Variants in DENND5B observed in about 807,000 individuals in gnomAD.
DENND5B encodes DENN domain containing 5B.
DENND5B carries 34 observed loss-of-function variants against 140.6 expected under a neutral mutation model. The observed-to-expected ratio is 0.24, with a 90% CI of 0.18 to 0.32. The LOEUF (loss-of-function observed/expected upper bound fraction) is 0.32. Ranked by LOEUF, DENND5B falls within the 10% of genes least tolerant of loss-of-function variation. The probability of loss-of-function intolerance (pLI) is 1.00; values close to 1 mark genes in which losing one functional copy is unlikely to be tolerated. For missense variants in DENND5B, 1,142 were observed against 1,560.2 expected, an observed-to-expected ratio of 0.73 and a Z score of 4.52; for synonymous variants, 551 against 562.1, an observed-to-expected ratio of 0.98 and a Z score of 0.28.
chr12:31,498,235 G>A (rs1278208886), intron 1 of DENND5B, among the ~76,000 whole-genome samples: 2 of 152,046 alleles, frequency 1.3e-5, no homozygotes, highest in Non-Finnish European at 2.9e-5. Flanking sequence ...GAAGAAACAA[G>A]ACATAACCTA....
At chr12:31,394,820 A>G (rs1219915321) in intron 17 of DENND5B, among the ~76,000 whole-genome samples, 3 of 151,886 alleles carry the variant, frequency 2.0e-5, no homozygotes, top group East Asian at 3.9e-4. Flanking sequence ...TCACCATGTT[A>G]GCCAGGATGG....
intron 2 of DENND5B, among the ~76,000 whole-genome samples, chr12:31,489,180 T>C (rs560716652): frequency 5.9e-5 from 9 of 152,314 alleles, no homozygotes; most frequent in South Asian, 2.1e-4. Context: ...CTTAGAAGTA[T>C]AGTAGGCTAT....
chr12:31,526,486 C>T (rs1452503987), intron 1 of DENND5B, among the ~76,000 whole-genome samples: 1 of 152,178 alleles, frequency 6.6e-6, no homozygotes, highest in African/African-American at 2.4e-5. Flanking sequence ...AGTTTTACAA[C>T]CTTTCCTTCC....
At chr12:31,403,897 CAAAAAA>C (rs751708684) in intron 14 of DENND5B, among the ~76,000 whole-genome samples, 4 of 36,398 alleles carry the variant, frequency 1.1e-4, no homozygotes, top group African/African-American at 5.6e-4. Context: ...ACTCCATCTC[CAAAAAA>C]AAAAAAAAAA....
intron 1 of DENND5B, among the ~76,000 whole-genome samples, chr12:31,533,887 G>GT (rs571204281): frequency 0.014 from 1,933 of 142,142 alleles, 15 homozygotes; most frequent in Non-Finnish European, 0.02. Context: ...GCTTTTTAGT[G>GT]TTTTTTTTTT....
chr12:31,417,871 T>C (rs1251035475), intron 11 of DENND5B, among the ~76,000 whole-genome samples: 1 of 152,224 alleles, frequency 6.6e-6, no homozygotes, highest in African/African-American at 2.4e-5. Context: ...TTGCTGTATA[T>C]TAAACCTGCC....
At chr12:31,438,654 AG>A (rs1435985195) in intron 7 of DENND5B, among the ~76,000 whole-genome samples, 1 of 152,198 alleles carries the variant, frequency 6.6e-6, no homozygotes, top group East Asian at 1.9e-4. Context: ...AGATCTTTAA[AG>A]GGGAAGAATA....
At chr12:31,580,854 C>T (rs1487260737) in intron 1 of DENND5B, among the ~76,000 whole-genome samples, 1 of 152,084 alleles carries the variant, frequency 6.6e-6, no homozygotes, top group Non-Finnish European at 1.5e-5. Context: ...CCCTGTAATC[C>T]CAGCACTTTG....
intron 1 of DENND5B, among the ~76,000 whole-genome samples, chr12:31,501,842 A>C (rs966779513): frequency 2.0e-5 from 3 of 152,090 alleles, no homozygotes; most frequent in East Asian, 1.9e-4. Flanking sequence ...ATAATGTATC[A>C]ATATTTATTC....
chr12:31,550,394 T>G (rs527485828), intron 1 of DENND5B, among the ~76,000 whole-genome samples: 71 of 152,112 alleles, frequency 4.7e-4, no homozygotes, highest in Non-Finnish European at 9.3e-4. Flanking sequence ...GGACATGAAC[T>G]CATCATTTTT....
intron 1 of DENND5B, among the ~76,000 whole-genome samples, chr12:31,526,112 T>A (rs867280890): frequency 2.2e-4 from 33 of 152,204 alleles, no homozygotes; most frequent in African/African-American, 8.0e-4. Flanking sequence ...GTCAAACCAG[T>A]TGTTATTACA....
At chr12:31,566,506 T>A (rs1175852115) in intron 1 of DENND5B, among the ~76,000 whole-genome samples, 1 of 151,896 alleles carries the variant, frequency 6.6e-6, no homozygotes, top group Non-Finnish European at 1.5e-5. Flanking sequence ...CAGTAGCTCA[T>A]GCCTATAATC....
Position 31,487,854 on chromosome 12 carries a change from A to G in DENND5B, c.238-7599T>C, listed in dbSNP as rs112228950. 1.6e-3 allele frequency among the ~76,000 whole-genome samples: 239 copies of G among 152,370 alleles called. 1 individual carries two copies. Among genetic ancestry groups the G allele is most frequent in the African/African-American group, 5.2e-3 (216 of 41,584 alleles). ...ACTTGTTTAGCACAGTGCATGGCAT[A>G]TAACAATTGGTTGAATGAATAAATG... On this transcript the variant is annotated intron_variant, in intron 2 of 20. Transcript: ENST00000389082.
chr12:31,537,584 A>G (rs748369849), intron 1 of DENND5B, among the ~76,000 whole-genome samples: 7 of 152,178 alleles, frequency 4.6e-5, no homozygotes, highest in Non-Finnish European at 8.8e-5. Flanking sequence ...CAACCAGAAA[A>G]TAAGTAACAA....
chr12:31,514,953 T>C (rs1201258475), intron 1 of DENND5B, among the ~76,000 whole-genome samples: 2 of 151,790 alleles, frequency 1.3e-5, no homozygotes, highest in Non-Finnish European at 2.9e-5. Context: ...CCTTTTTCTC[T>C]ACAAAAAAAA....
At chr12:31,523,175 G>A (rs902501419) in intron 1 of DENND5B, among the ~76,000 whole-genome samples, 14 of 150,568 alleles carry the variant, frequency 9.3e-5, no homozygotes, top group Admixed American at 8.0e-4. Flanking sequence ...CATCCCACCC[G>A]AACCTCCCAA....
chr12:31,453,537 T>C (rs1478234367), intron 4 of DENND5B, among the ~76,000 whole-genome samples: 1 of 152,154 alleles, frequency 6.6e-6, no homozygotes, highest in Non-Finnish European at 1.5e-5. Flanking sequence ...TGTTTCTAGA[T>C]TGGGGGGTGG....
At chr12:31,542,120 T>C (rs1336646310) in intron 1 of DENND5B, among the ~76,000 whole-genome samples, 1 of 152,016 alleles carries the variant, frequency 6.6e-6, no homozygotes, top group African/African-American at 2.4e-5. Context: ...ACCCTGTCTC[T>C]ACTAAAAATA....
At chr12:31,495,983 T>C in intron 1 of DENND5B, 64 bp from the exon 2 acceptor site, 2 of 1,193,348 alleles carry the variant, frequency 1.7e-6, no homozygotes, top group South Asian at 2.9e-5. Flanking sequence ...AGTTTTCTAT[T>C]TATTTTATAG....
Sources: allele counts gnomAD v4.1 joint callset (sites outside exome capture counted in the v4.1 genomes callset), GRCh38; gene constraint gnomAD v4.1.1; transcripts MANE v1.5; gene names NCBI Gene and HGNC (gene_info 2026-07-23, HGNC 2026-07-21).